Variants in GPER1 observed in about 807,000 individuals in gnomAD.
GPER1 encodes the protein G protein-coupled estrogen receptor 1.
A neutral mutation model predicts 0.6 loss-of-function variants in GPER1; 2 were observed. That is an observed-to-expected ratio of 3.41 (90% confidence interval 1.39 to 10.72). GPER1 has a LOEUF of 10.72. GPER1 is among the 30% of genes most tolerant of loss of function. The probability of loss-of-function intolerance (pLI) is 0.04; values close to 1 mark genes in which losing one functional copy is unlikely to be tolerated. For synonymous variants in GPER1, 263 were observed against 247.6 expected, an observed-to-expected ratio of 1.06 and a Z score of -0.58; for missense variants, 441 against 535.2, an observed-to-expected ratio of 0.82 and a Z score of 1.74.
At position 1,093,059 on chromosome 7, in the gene GPER1, C is replaced by A; in HGVS notation, c.*203C>A. On this transcript the variant is annotated 3_prime_UTR_variant, in exon 2 of 2. Coordinates refer to ENST00000397088, the MANE Select transcript of GPER1 (RefSeq NM_001098201.3). ...ACGACTGGTCACCTTGCACTCCTCACACAGAATTGCTACAATCCCAAAGCG... is the reference window on the plus strand; with the variant it reads ...ACGACTGGTCACCTTGCACTCCTCAAACAGAATTGCTACAATCCCAAAGCG... 1.4e-6 allele frequency: 1 copy of A among 708,982 alleles called. No individual in the cohort carries two copies. The highest frequency in any genetic ancestry group is 2.6e-6 in the Non-Finnish European group (1 of 383,152). The allele number at this position is 708,982 out of a possible 1,614,324, so 43.9% of individuals were successfully genotyped here. A position where few individuals can be genotyped will look rare whatever the true frequency, so the allele number is the denominator to read the frequency against.
rs556000358 is a variant in GPER1 at position 1,089,396 on chromosome 7, G to C, written c.-323+1075G>C. On this transcript the variant is annotated intron_variant, in intron 1 of 1. Transcript: ENST00000397088. Reference sequence around the variant, plus strand: ...TTTGAGATGGGGCCTCACTGCAGTAGCTCAGGCTCGAGTGCAGTGGTGTGA... The same window carrying C: ...TTTGAGATGGGGCCTCACTGCAGTACCTCAGGCTCGAGTGCAGTGGTGTGA... Among the ~76,000 whole-genome samples, 16 of 151,806 alleles carry C rather than the reference G, an allele frequency of 1.1e-4. No individual in the cohort carries two copies. In the East Asian group the frequency reaches 3.1e-3, roughly 29 times the overall value.
At position 1,093,186 on chromosome 7, in the gene GPER1, A is replaced by C. The variant is rs766714154; in HGVS notation, c.*330A>C. The C allele has an allele frequency of 1.8e-6, 1 of 543,370 alleles. No homozygotes were observed. Among genetic ancestry groups the C allele is most frequent in the South Asian group, 1.5e-5 (1 of 65,186 alleles). 33.7% of individuals were successfully genotyped at this position (543,370 alleles called of 1,614,324 possible). A position where few individuals can be genotyped will look rare whatever the true frequency, so the allele number is the denominator to read the frequency against. ...GCACCTGCCTGCCGCTGCAGGAAAC[A>C]TTTCTGACACCGTCGACCAGGAAAG... On this transcript the variant is annotated 3_prime_UTR_variant, in exon 2 of 2. Transcript: ENST00000397088.
At position 1,093,626 on chromosome 7, in the gene GPER1, G is replaced by A. The variant is rs561498549; in HGVS notation, c.*770G>A. The A allele has an allele frequency of 7.0e-5, 33 of 471,238 alleles. 1 individual carries two copies. The highest frequency in any genetic ancestry group is 4.0e-4 in the South Asian group (26 of 64,570). The allele number at this position is 471,238 out of a possible 1,614,324, so 29.2% of individuals were successfully genotyped here. On this transcript the variant is annotated 3_prime_UTR_variant, in exon 2 of 2. Transcript: ENST00000397088. ...GTGGACTGGGACCGTGCGAGCTGCC[G>A]TGTGGGTTAGTCGGGTGCCAGGACA...
Position 1,092,504 on chromosome 7 carries a change from G to C in GPER1, c.776G>C (p.Arg259Pro), listed in dbSNP as rs1053838604. The change falls in exon 2 of 2, where the codon CGC becomes CCC. Residue 259 changes from arginine to proline, a missense_variant. Coordinates refer to ENST00000397088, the MANE Select transcript of GPER1 (RefSeq NM_001098201.3). ...CGGCCCCGGCGGCAGAAGGCGCTCC[G>C]CATGATCCTCGCGGTGGTGCTGGTC... is the stretch of plus-strand genomic sequence containing the variant. The part of the protein sequence containing the change: ...GLRPRRQKAL[R>P]MILAVVLVFF... 2.5e-6 allele frequency: 4 copies of C among 1,607,784 alleles called. No homozygotes were observed. Among genetic ancestry groups the C allele is most frequent in the Non-Finnish European group, 3.4e-6 (4 of 1,179,858 alleles).
upstream of GPER1, among the ~76,000 whole-genome samples, chr7:1,087,833 A>T (rs527380999): frequency 6.6e-6 from 1 of 152,240 alleles, no homozygotes; most frequent in South Asian, 2.1e-4. Flanking sequence ...ACCCAGGAGG[A>T]CAGGTTATTG....
chr7:1,091,205 G>A (rs1413910068), intron 1 of GPER1, among the ~76,000 whole-genome samples: 1 of 152,212 alleles, frequency 6.6e-6, no homozygotes, highest in Non-Finnish European at 1.5e-5. Flanking sequence ...CTGCAGGAAA[G>A]AAGGCCATGT....
In GPER1 at chr7:1,092,633, A is replaced by AC. The variant is rs776379860; in HGVS notation, c.910dup (p.Leu304ProfsTer37). 1 of 1,611,358 alleles carries AC rather than the reference A, an allele frequency of 6.2e-7. No homozygotes were observed. Among genetic ancestry groups the AC allele is most frequent in the Non-Finnish European group, 8.5e-7 (1 of 1,179,720 alleles). Reference sequence around the variant, plus strand: ...TGCAAGCAGTCTTTCCGCCATGCCCACCCCCTCACGGGCCACATTGTCAAC... The same window carrying AC: ...TGCAAGCAGTCTTTCCGCCATGCCCACCCCCCTCACGGGCCACATTGTCAAC... On this transcript the variant is annotated frameshift_variant, in exon 2 of 2. Transcript: ENST00000397088. LOFTEE classifies it high-confidence loss of function.
chr7:1,092,418 C>G lies in GPER1; in HGVS notation c.690C>G (p.Ile230Met), dbSNP rs368234390. 110 of 1,608,506 alleles carry G rather than the reference C, an allele frequency of 6.8e-5. No individual in the cohort carries two copies. Among genetic ancestry groups the G allele is most frequent in the Non-Finnish European group, 8.6e-5 (101 of 1,178,750 alleles). Residue 230 changes from isoleucine (I) to methionine (M), a missense_variant, in exon 2 of 2, where the codon ATC (isoleucine) becomes ATG (methionine). Ile to Met is a conservative substitution (Grantham distance 10). Transcript: ENST00000397088. ...TLGFIVPFAI[I>M]GLCYSLIVRV... Reference sequence around the variant, plus strand: ...GCTTCATCGTGCCCTTCGCCATCATCGGCCTGTGCTACTCCCTCATTGTCC... The same window carrying G: ...GCTTCATCGTGCCCTTCGCCATCATGGGCCTGTGCTACTCCCTCATTGTCC...
Position 1,092,743 on chromosome 7 carries a change from A to C in GPER1, c.1015A>C (p.Ile339Leu). The change falls in exon 2 of 2, where the codon ATT (isoleucine) becomes CTT (leucine). Residue 339 changes from isoleucine (I) to leucine (L), a missense_variant. Physicochemically the swap from Ile to Leu is conservative, Grantham distance 5. Coordinates refer to ENST00000397088, the MANE Select transcript of GPER1 (RefSeq NM_001098201.3). ...CTTCAGGGACAAGCTGAGGCTGTACATTGAGCAGAAAACAAATTTGCCGGC... is the reference window on the plus strand; with the variant it reads ...CTTCAGGGACAAGCTGAGGCTGTACCTTGAGCAGAAAACAAATTTGCCGGC... ...ETFRDKLRLY[I>L]EQKTNLPALN... is the part of the protein sequence containing the mutation. The C allele has an allele frequency of 6.2e-7, 1 of 1,613,640 alleles. No homozygotes were observed. Among genetic ancestry groups the C allele is most frequent in the Non-Finnish European group, 8.5e-7 (1 of 1,180,018 alleles).
chr7:1,093,040 G>T lies in GPER1; in HGVS notation c.*184G>T. 1.4e-6 allele frequency: 1 copy of T among 717,378 alleles called. No individual in the cohort carries two copies. The highest frequency in any genetic ancestry group is 2.6e-6 in the Non-Finnish European group (1 of 388,766). 44.4% of individuals were successfully genotyped at this position (717,378 alleles called of 1,614,324 possible). The stretch of plus-strand genomic sequence containing the variant: ...GGGCTGCTTAGGAAACCTCACGACT[G>T]GTCACCTTGCACTCCTCACACAGAA... On this transcript the variant is annotated 3_prime_UTR_variant, in exon 2 of 2. Coordinates refer to ENST00000397088, the MANE Select transcript of GPER1 (RefSeq NM_001098201.3).
rs1788128534 is a variant in GPER1 at position 1,092,641 on chromosome 7, A to G, written c.913A>G (p.Thr305Ala). The change falls in exon 2 of 2, where the codon ACG becomes GCG. Residue 305 changes from threonine to alanine, a missense_variant. By Grantham distance (58) the Thr-to-Ala change is moderately conservative (BLOSUM62 0). Coordinates refer to ENST00000397088, the MANE Select transcript of GPER1 (RefSeq NM_001098201.3). ...GTCTTTCCGCCATGCCCACCCCCTC[A>G]CGGGCCACATTGTCAACCTCGCCGC... ...KQSFRHAHPL[T>A]GHIVNLAAFS... is the part of the protein sequence containing the mutation. The G allele has an allele frequency of 6.2e-7, 1 of 1,612,218 alleles. No homozygotes were observed. The highest frequency in any genetic ancestry group is 8.5e-7 in the Non-Finnish European group (1 of 1,179,842).
rs376117751 is a variant in GPER1 at position 1,092,284 on chromosome 7, G to A, written c.556G>A (p.Val186Met). 2.7e-5 allele frequency: 44 copies of A among 1,611,688 alleles called. No homozygotes were observed. The highest frequency in any genetic ancestry group is 5.0e-5 in the Admixed American group (3 of 59,950). The change falls in exon 2 of 2, where the codon GTG becomes ATG. Residue 186 changes from valine to methionine, a missense_variant. Coordinates refer to ENST00000397088, the MANE Select transcript of GPER1 (RefSeq NM_001098201.3). Reference protein sequence around the residue: ...LSCGLIWMASVSATLVPFTAV... With the variant: ...LSCGLIWMASMSATLVPFTAV... The stretch of plus-strand genomic sequence containing the variant: ...CTGTGGCCTCATCTGGATGGCATCC[G>A]TGTCAGCCACGCTGGTGCCCTTCAC...
At position 1,093,679 on chromosome 7, in the gene GPER1, C is replaced by T. The variant is rs774314109; in HGVS notation, c.*823C>T. Reference sequence around the variant, plus strand: ...GAAATACTCCAGCACCTGTGGCTGACGAATTTGTTTCTACAGAAATAACAG... The same window carrying T: ...GAAATACTCCAGCACCTGTGGCTGATGAATTTGTTTCTACAGAAATAACAG... On this transcript the variant is annotated 3_prime_UTR_variant, in exon 2 of 2. Transcript: ENST00000397088. The T allele has an allele frequency of 1.5e-5, 7 of 469,406 alleles. No individual in the cohort carries two copies. Among genetic ancestry groups the T allele is most frequent in the South Asian group, 1.5e-5 (1 of 64,560 alleles). The allele number at this position is 469,406 out of a possible 1,614,324, so 29.1% of individuals were successfully genotyped here. A position where few individuals can be genotyped will look rare whatever the true frequency, so the allele number is the denominator to read the frequency against.
Position 1,092,952 on chromosome 7 carries a change from C to T in GPER1, c.*96C>T, listed in dbSNP as rs762068303. 2.1e-5 allele frequency: 25 copies of T among 1,196,192 alleles called. No homozygotes were observed. Among genetic ancestry groups the T allele is most frequent in the South Asian group, 1.3e-4 (10 of 77,408 alleles). 74.1% of individuals were successfully genotyped at this position (1,196,192 alleles called of 1,614,324 possible). A position where few individuals can be genotyped will look rare whatever the true frequency, so the allele number is the denominator to read the frequency against. ...ACGGCCACGTCATGTCTCTAAACTGCGGTCAGATGTGGCTTCTGGCTCCTC... is the reference window on the plus strand; with the variant it reads ...ACGGCCACGTCATGTCTCTAAACTGTGGTCAGATGTGGCTTCTGGCTCCTC... On this transcript the variant is annotated 3_prime_UTR_variant, in exon 2 of 2. Coordinates refer to ENST00000397088, the MANE Select transcript of GPER1 (RefSeq NM_001098201.3).
chr7:1,091,711 G>A lies in GPER1; in HGVS notation c.-18G>A, dbSNP rs985757418. 6.6e-7 allele frequency: 1 copy of A among 1,504,580 alleles called. No individual in the cohort carries two copies. Among genetic ancestry groups the A allele is most frequent in the South Asian group, 1.3e-5 (1 of 74,848 alleles). The allele number at this position is 1,504,580 out of a possible 1,614,324, so 93.2% of individuals were successfully genotyped here. ...GGGAGCCTTTCGGCAAATCTTGAAAGCTGCACGGTGCAGAGACATGGATGT... is the reference window on the plus strand; with the variant it reads ...GGGAGCCTTTCGGCAAATCTTGAAAACTGCACGGTGCAGAGACATGGATGT... On this transcript the variant is annotated 5_prime_UTR_variant, in exon 2 of 2. Transcript: ENST00000397088.
In GPER1 at chr7:1,092,694, C is replaced by T; in HGVS notation, c.966C>T (p.Leu322=). The T allele has an allele frequency of 6.2e-7, 1 of 1,613,510 alleles. No individual in the cohort carries two copies. Among genetic ancestry groups the T allele is most frequent in the East Asian group, 2.2e-5 (1 of 44,882 alleles). Residue 322 remains leucine, a synonymous_variant, in exon 2 of 2, where the codon CTC becomes CTT. Coordinates refer to ENST00000397088, the MANE Select transcript of GPER1 (RefSeq NM_001098201.3). The part of the protein sequence containing the change: ...AAFSNSCLNP[L]IYSFLGETFR... ...TCTCCAACAGCTGCCTAAACCCCCT[C>T]ATCTACAGCTTTCTCGGGGAGACCT...
At position 1,092,871 on chromosome 7, in the gene GPER1, A is replaced by G. The variant is rs993626351; in HGVS notation, c.*15A>G. 6.8e-6 allele frequency: 11 copies of G among 1,606,702 alleles called. No homozygotes were observed. Among genetic ancestry groups the G allele is most frequent in the African/African-American group, 6.7e-5 (5 of 74,820 alleles). On this transcript the variant is annotated 3_prime_UTR_variant, in exon 2 of 2. Coordinates refer to ENST00000397088, the MANE Select transcript of GPER1 (RefSeq NM_001098201.3). Reference sequence around the variant, plus strand: ...GTGCCGTGTAGACAGCCTTGGCCGCATAGGCCCAGCCAGGGTGTGACTCGG... The same window carrying G: ...GTGCCGTGTAGACAGCCTTGGCCGCGTAGGCCCAGCCAGGGTGTGACTCGG...
At position 1,088,873 on chromosome 7, in the gene GPER1, G is replaced by C. The variant is rs1189735376; in HGVS notation, c.-323+552G>C. Among the ~76,000 whole-genome samples, 2 of 151,720 alleles carry C rather than the reference G, an allele frequency of 1.3e-5. No homozygotes were observed. The highest frequency in any genetic ancestry group is 1.9e-4 in the East Asian group (1 of 5,136). ...GGCACACTAGGTTCCTCTCACCCAG[G>C]ACCACATCAGACACTAGGACACATC... On this transcript the variant is annotated intron_variant, in intron 1 of 1. Transcript: ENST00000397088. The surrounding 1 kb of genome is among the most constrained non-coding windows in gnomAD (Gnocchi z 4.5).
Position 1,093,595 on chromosome 7 carries a change from A to G in GPER1, c.*739A>G, listed in dbSNP as rs1353847312. On this transcript the variant is annotated 3_prime_UTR_variant, in exon 2 of 2. Transcript: ENST00000397088. ...TTGTTGACATCAACATGGCAATTGC[A>G]CTCATGTGGACTGGGACCGTGCGAG... The G allele has an allele frequency of 4.2e-6, 2 of 471,064 alleles. No homozygotes were observed. Among genetic ancestry groups the G allele is most frequent in the South Asian group, 3.1e-5 (2 of 64,570 alleles). The allele number at this position is 471,064 out of a possible 1,614,324, so 29.2% of individuals were successfully genotyped here. A position where few individuals can be genotyped will look rare whatever the true frequency, so the allele number is the denominator to read the frequency against.
Sources: allele counts gnomAD v4.1 joint callset (sites outside exome capture counted in the v4.1 genomes callset), GRCh38; gene constraint gnomAD v4.1.1; non-coding constraint Gnocchi (gnomAD v3.1); transcripts MANE v1.5; gene names NCBI Gene and HGNC (gene_info 2026-07-23, HGNC 2026-07-21).